BBS9: variants seen among roughly 807,000 people sequenced by gnomAD.
The protein encoded by BBS9 is Bardet-Biedl syndrome 9.
Under a neutral mutation model 117.7 loss-of-function variants are expected in BBS9, and 89 were observed. The ratio of observed to expected loss-of-function variants is 0.76; its 90% CI spans 0.64 to 0.90. BBS9 has a LOEUF of 0.90. Ranked by LOEUF, BBS9 falls within the 40% of genes least tolerant of loss-of-function variation. The pLI, the probability that BBS9 is intolerant of heterozygous loss-of-function variation, is 0.00. For synonymous variants in BBS9, 379 were observed against 370.9 expected, an observed-to-expected ratio of 1.02 and a Z score of -0.25; for missense variants, 982 against 1,042.2, an observed-to-expected ratio of 0.94 and a Z score of 0.80.
In BBS9 at chr7:33,625,092, C is replaced by G. The variant is rs114259365; in HGVS notation, c.2522-10085C>G. 5.2e-3 allele frequency among the ~76,000 whole-genome samples: 799 copies of G among 152,232 alleles called. 7 individuals carry two copies. The highest frequency in any genetic ancestry group is 0.019 in the African/African-American group (780 of 41,540). On this transcript the variant is annotated intron_variant, in intron 21 of 21. Transcript: ENST00000671952. Reference sequence around the variant, plus strand: ...TTCATGTGAAGCAACAAGTGCCCAACTATTCTATGAGGGAAAGGTCATTTT... The same window carrying G: ...TTCATGTGAAGCAACAAGTGCCCAAGTATTCTATGAGGGAAAGGTCATTTT...
intron 9 of BBS9, among the ~76,000 whole-genome samples, chr7:33,334,799 T>C (rs2128621671): frequency 6.6e-6 from 1 of 152,316 alleles, no homozygotes; most frequent in African/African-American, 2.4e-5. Flanking sequence ...GACTGAGCTC[T>C]ACAGGAGCAG....
chr7:33,401,400 G>A (rs1239953893), intron 19 of BBS9, among the ~76,000 whole-genome samples: 5 of 152,182 alleles, frequency 3.3e-5, no homozygotes, highest in African/African-American at 4.8e-5. Context: ...AAGTGTGAGC[G>A]ACCAGTGGCC....
chr7:33,519,681 A>G lies in BBS9; in HGVS notation c.2298+14036A>G, dbSNP rs1023445991. ...TTTTGGTTCTGCGAATATGTTAATT[A>G]TGACCATGAATCTTCTAGGGGAAGA... On this transcript the variant is annotated intron_variant, in intron 20 of 22. Coordinates refer to ENST00000242067, the MANE Select transcript of BBS9 (RefSeq NM_198428.3). Among the ~76,000 whole-genome samples, 34 of 152,192 alleles carry G rather than the reference A, an allele frequency of 2.2e-4. 1 individual carries two copies. Among genetic ancestry groups the G allele is most frequent in the Admixed American group, 2.0e-4 (3 of 15,280 alleles).
intron 21 of BBS9, among the ~76,000 whole-genome samples, chr7:33,535,051 C>G (rs971261972): frequency 2.6e-5 from 4 of 152,160 alleles, no homozygotes; most frequent in African/African-American, 9.7e-5. Flanking sequence ...CCTCACTCAG[C>G]ATTCCTAGAA....
intron 19 of BBS9, among the ~76,000 whole-genome samples, chr7:33,432,666 C>CT (rs1834694968): frequency 6.6e-6 from 1 of 152,032 alleles, no homozygotes; most frequent in South Asian, 2.1e-4. Flanking sequence ...GAAAAGTTGT[C>CT]TATGTTGTTA....
At chr7:33,525,222 C>G (rs1260153842) in intron 20 of BBS9, among the ~76,000 whole-genome samples, 3 of 150,698 alleles carry the variant, frequency 2.0e-5, no homozygotes, top group Non-Finnish European at 4.4e-5. Context: ...AATGTATATT[C>G]TGTTGATTTG....
chr7:33,613,305 A>T (rs946568846), intron 21 of BBS9, among the ~76,000 whole-genome samples: 11 of 151,994 alleles, frequency 7.2e-5, no homozygotes, highest in African/African-American at 2.7e-4. Flanking sequence ...AAAATGTAAG[A>T]CTGTTGTTCC....
chr7:33,330,275 A>G (rs1813753834), intron 9 of BBS9, among the ~76,000 whole-genome samples: 1 of 152,146 alleles, frequency 6.6e-6, no homozygotes, highest in South Asian at 2.1e-4. Context: ...TCAGCCTCCC[A>G]AAATGCTAGG....
intron 21 of BBS9, among the ~76,000 whole-genome samples, chr7:33,624,145 A>T (rs1410536174): frequency 3.3e-5 from 5 of 152,216 alleles, no homozygotes; most frequent in South Asian, 2.1e-4. Flanking sequence ...ATCTCTGTGT[A>T]TCTTGGCCAA....
chr7:33,162,127 C>G (rs1794954437), intron 4 of BBS9, among the ~76,000 whole-genome samples: 1 of 152,000 alleles, frequency 6.6e-6, no homozygotes, highest in African/African-American at 2.4e-5. Context: ...CTTGCCCATG[C>G]CTGTGTCCTG....
chr7:33,214,678 A>G (rs1202167221), intron 5 of BBS9, among the ~76,000 whole-genome samples: 2 of 152,182 alleles, frequency 1.3e-5, no homozygotes, highest in African/African-American at 4.8e-5. Context: ...ACTATAAAAC[A>G]CTGATGAGAA....
chr7:33,625,197 G>A (rs1239695779), intron 21 of BBS9, among the ~76,000 whole-genome samples: 1 of 151,982 alleles, frequency 6.6e-6, no homozygotes, highest in African/African-American at 2.4e-5. Flanking sequence ...TTCTATATGG[G>A]CTCAAAATCT....
intron 21 of BBS9, chr7:33,534,467 A>G (rs895725570): frequency 1.1e-5 from 5 of 460,120 alleles, no homozygotes; most frequent in Non-Finnish European, 2.0e-5. Context: ...TAGAAGATAA[A>G]CTATTTTTAA....
intron 21 of BBS9, among the ~76,000 whole-genome samples, chr7:33,629,781 AC>A (rs1490862009): frequency 3.3e-5 from 5 of 152,206 alleles, no homozygotes; most frequent in African/African-American, 1.2e-4. Flanking sequence ...TTTCTGTGAA[AC>A]CATGTATTCA....
At chr7:33,142,264 G>C (rs1384159635) in intron 1 of BBS9, among the ~76,000 whole-genome samples, 1 of 152,102 alleles carries the variant, frequency 6.6e-6, no homozygotes, top group Admixed American at 6.5e-5. Flanking sequence ...GTACCATAGT[G>C]TGTTTAACCA....
intron 1 of BBS9, among the ~76,000 whole-genome samples, chr7:33,138,766 G>A (rs867734481): frequency 4.7e-5 from 7 of 150,380 alleles, no homozygotes; most frequent in Admixed American, 2.0e-4. Flanking sequence ...TTTTTTGGTG[G>A]GGGGGAAAGA....
chr7:33,478,875 GTTT>G lies in BBS9; in HGVS notation c.2116-26571_2116-26569del, dbSNP rs10716942. On this transcript the variant is annotated intron_variant, in intron 19 of 22. Transcript: ENST00000242067. ...GGAGAAGTAAATATGATGTTAGTGG[GTTT>G]TTTTTTTTTTTTTTTTAGCAATTTA... Among the ~76,000 whole-genome samples the G allele has an allele frequency of 7.1e-3, 918 of 130,152 alleles. 8 individuals are homozygous for G. Among genetic ancestry groups the G allele is most frequent in the African/African-American group, 0.025 (871 of 35,524 alleles). The allele number at this position is 130,152 out of a possible 152,430, so 85.4% of individuals were successfully genotyped here.
chr7:33,420,230 T>C (rs1832654039), intron 19 of BBS9, among the ~76,000 whole-genome samples: 1 of 152,142 alleles, frequency 6.6e-6, no homozygotes, highest in Non-Finnish European at 1.5e-5. Flanking sequence ...CATTTTTATC[T>C]TCTGTAAAAT....
chr7:33,563,962 ATACT>A (rs746686777), intron 21 of BBS9, among the ~76,000 whole-genome samples: 12 of 152,188 alleles, frequency 7.9e-5, no homozygotes, highest in Non-Finnish European at 1.6e-4. Context: ...ATAAGACCAC[ATACT>A]TACTGGAACT....
Sources: allele counts gnomAD v4.1 joint callset (sites outside exome capture counted in the v4.1 genomes callset), GRCh38; gene constraint gnomAD v4.1.1; transcripts MANE v1.5; gene names NCBI Gene and HGNC (gene_info 2026-07-23, HGNC 2026-07-21).